The following KANSL1 variants were observed in gnomAD, a reference collection of about 807,000 sequenced individuals.
KANSL1 encodes the protein KAT8 regulatory NSL complex subunit 1.
Under a neutral mutation model 103.6 loss-of-function variants are expected in KANSL1, and 22 were observed. The observed-to-expected ratio is 0.21, with a 90% CI of 0.15 to 0.30. KANSL1 has a LOEUF of 0.30. KANSL1 is among the 10% of genes least tolerant of loss of function. KANSL1 has a pLI of 1.00. For synonymous variants in KANSL1, 600 were observed against 527.6 expected (o/e 1.14, Z -1.88); for missense variants, 1,337 against 1,399.8 (o/e 0.96, Z 0.72).
At chr17:46,116,976 G>A (rs1369524321) in intron 2 of KANSL1, among the ~76,000 whole-genome samples, 4 of 152,188 alleles carry the variant, frequency 2.6e-5, no homozygotes, top group Admixed American at 2.6e-4. Context: ...TTTTTAGAAA[G>A]TATAAAGTTA....
intron 2 of KANSL1, among the ~76,000 whole-genome samples, chr17:46,109,489 CATTATAT>C (rs1231516876): frequency 6.6e-6 from 1 of 152,080 alleles, no homozygotes; most frequent in African/African-American, 2.4e-5. Flanking sequence ...TCATGTTCAT[CATTATAT>C]ATTATATAAA....
At chr17:46,186,383 C>CA (rs371176514) in intron 1 of KANSL1, among the ~76,000 whole-genome samples, 10,871 of 111,586 alleles carry the variant, frequency 0.097, 31 homozygotes, top group Middle Eastern at 0.17. Flanking sequence ...GACTGTGTCT[C>CA]AAAAAAAAAA....
chr17:46,110,526 C>T (rs1231734695), intron 2 of KANSL1, among the ~76,000 whole-genome samples: 1 of 152,194 alleles, frequency 6.6e-6, no homozygotes, highest in Non-Finnish European at 1.5e-5. Flanking sequence ...GACATAGGTG[C>T]TCTGGGCCAG....
rs541870235 is a variant in KANSL1 at position 46,202,958 on chromosome 17, G to A, written c.-90+20713C>T. On this transcript the variant is annotated intron_variant, in intron 1 of 14. Coordinates refer to the KANSL1 transcript ENST00000572904. ...GTATAAGAAGTCCTTCAGGCCAGAC[G>A]TGGTGGCTCACATCTCTAATACTAG... Among the ~76,000 whole-genome samples, 5 of 152,320 alleles carry A rather than the reference G, an allele frequency of 3.3e-5. No individual in the cohort carries two copies. In the South Asian group the frequency reaches 1.0e-3, roughly 32 times the overall value.
At position 46,115,559 on chromosome 17, in the gene KANSL1, A is replaced by G. The variant is rs1404684362; in HGVS notation, c.1290-20858T>C. On this transcript the variant is annotated intron_variant, in intron 2 of 14. Transcript: ENST00000432791. ...TCAAGGAACGAAGATAACTTTAGAT[A>G]TGTATTACATGATGCATATACGGGT... Among the ~76,000 whole-genome samples the G allele has an allele frequency of 2.0e-5, 3 of 152,208 alleles. No individual in the cohort carries two copies. In the East Asian group the frequency reaches 5.8e-4, roughly 29 times the overall value.
At chr17:46,172,297 A>G in intron 1 of KANSL1, 65 bp from the exon 2 acceptor site, 1 of 797,024 alleles carries the variant, frequency 1.3e-6, no homozygotes, top group Non-Finnish European at 1.9e-6. Context: ...TATATTTTTA[A>G]CAAAAGCACT....
intron 2 of KANSL1, among the ~76,000 whole-genome samples, chr17:46,100,836 A>G (rs186999052): frequency 1.3e-3 from 200 of 152,376 alleles, no homozygotes; most frequent in Non-Finnish European, 2.1e-3. Flanking sequence ...AATCTCATTA[A>G]GGCAACAAAC....
intron 2 of KANSL1, among the ~76,000 whole-genome samples, chr17:46,096,337 T>TG (rs1331851262): frequency 7.4e-6 from 1 of 135,126 alleles, no homozygotes; most frequent in African/African-American, 2.8e-5. Context: ...TTTTTTGAGA[T>TG]GGAGTTTCTT....
chr17:46,100,446 A>ACCC (rs2042262142), intron 2 of KANSL1, among the ~76,000 whole-genome samples: 6 of 136,262 alleles, frequency 4.4e-5, no homozygotes, highest in African/African-American at 1.6e-4. Context: ...CCTCTCCCCA[A>ACCC]AAAAAAAAAA....
chr17:46,165,136 A>C (rs891891658), intron 2 of KANSL1, among the ~76,000 whole-genome samples: 1 of 152,250 alleles, frequency 6.6e-6, no homozygotes, highest in Non-Finnish European at 1.5e-5. Flanking sequence ...AACATACATA[A>C]AAAGTAAAAA....
chr17:46,215,751 C>T (rs546626823), intron 1 of KANSL1, among the ~76,000 whole-genome samples: 38 of 152,170 alleles, frequency 2.5e-4, no homozygotes, highest in Non-Finnish European at 4.0e-4. Flanking sequence ...TTAAAATGCC[C>T]ATAAGATGGC....
Position 46,170,868 on chromosome 17 carries a change from G to A in KANSL1, c.1276C>T (p.Arg426Cys), listed in dbSNP as rs757224600. The A allele has an allele frequency of 4.4e-5, 70 of 1,605,690 alleles. No individual in the cohort carries two copies. The highest frequency in any genetic ancestry group is 5.4e-5 in the Non-Finnish European group (64 of 1,175,470). Residue 426 changes from arginine (R) to cysteine (C), a missense_variant, in exon 2 of 15, where the codon CGT (arginine) becomes TGT (cysteine). Around this residue, in one of 2 missense-constraint regions of KANSL1, gnomAD observed 780 missense variants for 923.4 expected, o/e 0.84. Coordinates refer to ENST00000432791, the MANE Select transcript of KANSL1 (RefSeq NM_015443.4). ...EELTRADPEQ[R>C]HVPLRRRSEW... The stretch of plus-strand genomic sequence containing the variant: ...AGGTCTACTCACAGGGGTACATGAC[G>A]CTGCTCGGGATCAGCTCTGGTCAGT...
intron 3 of KANSL1, among the ~76,000 whole-genome samples, chr17:46,092,341 G>C (rs2079429224): frequency 6.6e-6 from 1 of 152,176 alleles, no homozygotes; most frequent in Non-Finnish European, 1.5e-5. Context: ...TCTGAGTGAT[G>C]AGCTGAAGAA....
At chr17:46,163,351 C>G (rs1001782375) in intron 2 of KANSL1, among the ~76,000 whole-genome samples, 1 of 152,150 alleles carries the variant, frequency 6.6e-6, no homozygotes, top group African/African-American at 2.4e-5. Context: ...TATTTGGAAG[C>G]TTATTTCCTC....
chr17:46,087,824 T>C (rs890903145), intron 3 of KANSL1, among the ~76,000 whole-genome samples: 3 of 151,270 alleles, frequency 2.0e-5, no homozygotes, highest in Non-Finnish European at 3.0e-5. Context: ...TAAAGTTTAC[T>C]CATGTTTAAT....
chr17:46,056,856 G>C lies in KANSL1; in HGVS notation c.1849-6152C>G, dbSNP rs963452557. ...AACAGCTGGCACTTCTTTGTTGTGG[G>C]GCACAGTCCTGTGCACTGTAGATAT... On this transcript the variant is annotated intron_variant, in intron 6 of 14. Coordinates refer to ENST00000432791, the MANE Select transcript of KANSL1 (RefSeq NM_015443.4). 3.3e-5 allele frequency among the ~76,000 whole-genome samples: 5 copies of C among 152,222 alleles called. No individual in the cohort carries two copies. In the East Asian group the frequency reaches 7.7e-4, roughly 23 times the overall value.
chr17:46,138,382 TAAC>T (rs1456393758), intron 2 of KANSL1, among the ~76,000 whole-genome samples: 1 of 152,250 alleles, frequency 6.6e-6, no homozygotes, highest in Non-Finnish European at 1.5e-5. Flanking sequence ...CAATACAGTG[TAAC>T]AACTATTTAC....
At chr17:46,123,333 T>C (rs1277603019) in intron 2 of KANSL1, among the ~76,000 whole-genome samples, 1 of 152,150 alleles carries the variant, frequency 6.6e-6, no homozygotes, top group East Asian at 1.9e-4. Flanking sequence ...GCCAAGATCG[T>C]GCCACCACAC....
chr17:46,096,136 A>ATTCTTTT lies in KANSL1; in HGVS notation c.1290-1436_1290-1435insAAAAGAA, dbSNP rs776509440. 9.4e-4 allele frequency among the ~76,000 whole-genome samples: 129 copies of ATTCTTTT among 137,428 alleles called. 3 individuals carry two copies. The highest frequency in any genetic ancestry group is 1.2e-3 in the Non-Finnish European group (77 of 63,586). 90.2% of individuals were successfully genotyped at this position (137,428 alleles called of 152,430 possible). ...GCATACCCAACCATCATGATACTGT[A>ATTCTTTT]TTTTTTTTTTTTTTTTCCTGAGAGG... is the stretch of plus-strand genomic sequence containing the variant. On this transcript the variant is annotated intron_variant, in intron 2 of 14. Coordinates refer to ENST00000432791, the MANE Select transcript of KANSL1 (RefSeq NM_015443.4).
Sources: gnomAD v4.1 joint callset for allele counts (sites outside exome capture counted in the v4.1 genomes callset) on GRCh38, gnomAD v4.1.1 for gene constraint, gnomAD v4.1.1 regional missense constraint, MANE v1.5 for transcripts, NCBI Gene and HGNC (gene_info 2026-07-23, HGNC 2026-07-21) for gene names.